Variants in RNF220 observed in about 807,000 individuals in gnomAD.
RNF220 encodes the protein E3 ubiquitin-protein ligase RNF220.
In RNF220, 7 loss-of-function variants were observed where a neutral mutation model predicts 67.1. That is an observed-to-expected ratio of 0.10 (90% CI 0.06 to 0.20). The LOEUF (loss-of-function observed/expected upper bound fraction) is 0.20. RNF220 is among the 10% of genes least tolerant of loss of function. The pLI is 1.00. For missense variants in RNF220, 565 were observed against 740.3 expected (o/e 0.76, Z 2.75); for synonymous variants, 270 against 283.2 (o/e 0.95, Z 0.47).
At chr1:44,453,114 T>C (rs1652851620) in intron 2 of RNF220, among the ~76,000 whole-genome samples, 1 of 152,206 alleles carries the variant, frequency 6.6e-6, no homozygotes, top group African/African-American at 2.4e-5. Flanking sequence ...TGTCTTTCTA[T>C]TTGGTTATAG....
chr1:44,601,772 C>T (rs1480774973), intron 2 of RNF220, among the ~76,000 whole-genome samples: 1 of 152,002 alleles, frequency 6.6e-6, no homozygotes, highest in Non-Finnish European at 1.5e-5. Context: ...ACGGAGCTGA[C>T]CAAGAGCATG....
At chr1:44,484,590 A>C (rs1237100252) in intron 2 of RNF220, among the ~76,000 whole-genome samples, 1 of 152,112 alleles carries the variant, frequency 6.6e-6, no homozygotes, top group Non-Finnish European at 1.5e-5. Context: ...GAACGAAAGG[A>C]GGCTGGGCAC....
At chr1:44,428,608 G>A (rs1007460054) in intron 2 of RNF220, among the ~76,000 whole-genome samples, 8 of 151,868 alleles carry the variant, frequency 5.3e-5, no homozygotes, top group African/African-American at 1.9e-4. Flanking sequence ...ATCCCACCCC[G>A]CCCCATCATC....
intron 2 of RNF220, among the ~76,000 whole-genome samples, chr1:44,523,457 A>G (rs1660097346): frequency 6.6e-6 from 1 of 152,186 alleles, no homozygotes; most frequent in African/African-American, 2.4e-5. Flanking sequence ...GAGGCCTTGG[A>G]CATTTAGAGT....
chr1:44,443,114 C>T (rs1018793746), intron 2 of RNF220, among the ~76,000 whole-genome samples: 1 of 152,198 alleles, frequency 6.6e-6, no homozygotes, highest in African/African-American at 2.4e-5. Flanking sequence ...CTGAGCTTCA[C>T]TCATGTGTAT....
At position 44,569,740 on chromosome 1, in the gene RNF220, A is replaced by AG. The variant is rs558361742; in HGVS notation, c.626-44420dup. On this transcript the variant is annotated intron_variant, in intron 2 of 14. Transcript: ENST00000361799. Reference sequence around the variant, plus strand: ...GGTGGGAAGGGGTGTGGGGCTGCTGAGGGGGAACAAGGAGGAAGGGAGAAG... The same window carrying AG: ...GGTGGGAAGGGGTGTGGGGCTGCTGAGGGGGGAACAAGGAGGAAGGGAGAAG... 4.0e-3 allele frequency among the ~76,000 whole-genome samples: 610 copies of AG among 152,266 alleles called. 2 individuals carry two copies. Among genetic ancestry groups the AG allele is most frequent in the Non-Finnish European group, 4.3e-3 (291 of 68,004 alleles).
intron 2 of RNF220, among the ~76,000 whole-genome samples, chr1:44,577,871 C>T (rs1159503268): frequency 2.0e-5 from 3 of 151,582 alleles, no homozygotes; most frequent in Non-Finnish European, 4.4e-5. Flanking sequence ...GGGTCTCACC[C>T]TATCCCCCAG....
In RNF220 at chr1:44,414,092, C is replaced by T. The variant is rs1648283989; in HGVS notation, c.625+1370C>T. On this transcript the variant is annotated intron_variant, in intron 2 of 14. Transcript: ENST00000361799. ...AAGGGAGAAGGCTGCTGGCTGACAGCACTACTGCTAGTGTTGCCCTCTCAC... is the reference window on the plus strand; with the variant it reads ...AAGGGAGAAGGCTGCTGGCTGACAGTACTACTGCTAGTGTTGCCCTCTCAC... Among the ~76,000 whole-genome samples the T allele has an allele frequency of 3.3e-5, 5 of 152,272 alleles. No individual in the cohort carries two copies. In the South Asian group the frequency reaches 1.0e-3, roughly 32 times the overall value.
At chr1:44,464,415 CT>C (rs1557950794) in intron 2 of RNF220, among the ~76,000 whole-genome samples, 1 of 152,112 alleles carries the variant, frequency 6.6e-6, no homozygotes, top group East Asian at 1.9e-4. Flanking sequence ...TTTTCTTTTT[CT>C]TTTTTTGTGC....
chr1:44,460,375 A>G (rs1305981003), intron 2 of RNF220, among the ~76,000 whole-genome samples: 1 of 152,216 alleles, frequency 6.6e-6, no homozygotes, highest in African/African-American at 2.4e-5. Flanking sequence ...AACACCTGGT[A>G]CCTGCAGTTT....
intron 2 of RNF220, among the ~76,000 whole-genome samples, chr1:44,558,286 T>C (rs1663278133): frequency 6.6e-6 from 1 of 152,228 alleles, no homozygotes; most frequent in South Asian, 2.1e-4. Context: ...ATAACATCTA[T>C]GGCCCAGCCC....
At chr1:44,521,369 C>T (rs1333440876) in intron 2 of RNF220, among the ~76,000 whole-genome samples, 3 of 152,186 alleles carry the variant, frequency 2.0e-5, no homozygotes, top group South Asian at 2.1e-4. Context: ...CATTCTTTGC[C>T]GTCATGGAGT....
intron 2 of RNF220, chr1:44,545,609 G>C (rs1397844312): frequency 6.5e-6 from 1 of 154,458 alleles, no homozygotes; most frequent in Non-Finnish European, 1.5e-5. Flanking sequence ...GCAACAGTGG[G>C]GGTGGGGGTG....
At chr1:44,498,626 T>A (rs1361102754) in intron 2 of RNF220, among the ~76,000 whole-genome samples, 1 of 152,154 alleles carries the variant, frequency 6.6e-6, no homozygotes, top group African/African-American at 2.4e-5. Flanking sequence ...GCTGCCCTCA[T>A]CTGACCCCAT....
intron 2 of RNF220, among the ~76,000 whole-genome samples, chr1:44,515,390 G>A (rs1175439008): frequency 6.6e-6 from 1 of 152,166 alleles, no homozygotes; most frequent in African/African-American, 2.4e-5. Context: ...GGTGATTATT[G>A]TGTTAGGTAC....
At chr1:44,597,999 A>G (rs1390974314) in intron 2 of RNF220, among the ~76,000 whole-genome samples, 1 of 151,208 alleles carries the variant, frequency 6.6e-6, no homozygotes. Flanking sequence ...TCTCTCTCGA[A>G]CACAGGTGTA....
intron 2 of RNF220, among the ~76,000 whole-genome samples, chr1:44,546,120 A>G (rs1662119110): frequency 6.6e-6 from 1 of 152,152 alleles, no homozygotes; most frequent in African/African-American, 2.4e-5. Context: ...TGACAAAGAC[A>G]ATAAGCACCC....
chr1:44,534,850 G>A (rs1661081194), intron 2 of RNF220, among the ~76,000 whole-genome samples: 1 of 152,192 alleles, frequency 6.6e-6, no homozygotes, highest in African/African-American at 2.4e-5. Flanking sequence ...TATCTGATAC[G>A]GACAGACATT....
chr1:44,536,491 T>C (rs1247569284), intron 2 of RNF220, among the ~76,000 whole-genome samples: 1 of 152,222 alleles, frequency 6.6e-6, no homozygotes, highest in Non-Finnish European at 1.5e-5. Context: ...GGTTCTGGGC[T>C]GTCCAGCAGG....
Sources: allele counts gnomAD v4.1 joint callset (sites outside exome capture counted in the v4.1 genomes callset), GRCh38; gene constraint gnomAD v4.1.1; transcripts MANE v1.5; gene names NCBI Gene and HGNC (gene_info 2026-07-23, HGNC 2026-07-21).